The following ABCA13 variants were observed in gnomAD, a reference collection of about 807,000 sequenced individuals.
ABCA13 encodes ATP binding cassette subfamily A member 13, also known as ATP-binding cassette sub-family A member 13.
ABCA13 carries 476 observed loss-of-function variants against 478.7 expected under a neutral mutation model. The observed-to-expected ratio is 0.99, with a 90% CI of 0.92 to 1.07. ABCA13 has a LOEUF of 1.07. Among genes scored for constraint, ABCA13 ranks in the 50% least tolerant of loss-of-function variants. The pLI is 0.00. For missense variants in ABCA13, 6,060 were observed against 5,910.6 expected (o/e 1.03, Z -0.83); for synonymous variants, 2,252 against 2,158.9 (o/e 1.04, Z -1.20).
intron 28 of ABCA13, 31 bp from the exon 29 acceptor site, chr7:48,338,334 A>G (rs777618783): frequency 3.0e-5 from 44 of 1,457,216 alleles, no homozygotes; most frequent in South Asian, 1.3e-5. Context: ...TAATGCAATT[A>G]TTTTTATTAA....
chr7:48,435,006 A>T (rs527476990), intron 42 of ABCA13, among the ~76,000 whole-genome samples: 1 of 152,006 alleles, frequency 6.6e-6, no homozygotes, highest in African/African-American at 2.4e-5. Context: ...GGGATTCTGT[A>T]TGGATTTTAA....
intron 23 of ABCA13, among the ~76,000 whole-genome samples, chr7:48,306,990 C>T (rs947141778): frequency 1.3e-5 from 2 of 152,262 alleles, no homozygotes; most frequent in African/African-American, 4.8e-5. Context: ...AGTTCCATCT[C>T]CAGGTAGTCC....
chr7:48,200,843 T>C (rs1232894481), intron 3 of ABCA13, among the ~76,000 whole-genome samples: 1 of 152,182 alleles, frequency 6.6e-6, no homozygotes, highest in African/African-American at 2.4e-5. Context: ...GATTATTTTG[T>C]GGTAATTGTC....
At chr7:48,192,191 T>C (rs1797196733) in intron 1 of ABCA13, among the ~76,000 whole-genome samples, 1 of 151,818 alleles carries the variant, frequency 6.6e-6, no homozygotes, top group Admixed American at 6.6e-5. Flanking sequence ...GGTGGTGTTT[T>C]TTTTTTTCCT....
chr7:48,352,563 T>C lies in ABCA13; in HGVS notation c.10688+76T>C, dbSNP rs554142502. 91 of 1,417,522 alleles carry C rather than the reference T, an allele frequency of 6.4e-5. 1 individual carries two copies. The highest frequency in any genetic ancestry group is 5.7e-4 in the Admixed American group (20 of 35,216). 87.8% of individuals were successfully genotyped at this position (1,417,522 alleles called of 1,614,324 possible). On this transcript the variant is annotated intron_variant, in intron 31 of 61. Transcript: ENST00000435803. ...GTCTAGCTGAGGAGAGAAAACTCAG[T>C]TTTTCTATGGTTATTTCAAAAAGCA...
At chr7:48,312,446 G>GA (rs143168215) in intron 24 of ABCA13, among the ~76,000 whole-genome samples, 12,871 of 149,154 alleles carry the variant, frequency 0.086, 667 homozygotes, top group East Asian at 0.18. Context: ...CTGAGAATAT[G>GA]AAAAAAAAAA....
chr7:48,228,201 G>A (rs1261224755), intron 6 of ABCA13, among the ~76,000 whole-genome samples: 2 of 152,160 alleles, frequency 1.3e-5, no homozygotes, highest in East Asian at 1.9e-4. Context: ...ACAACAAAAA[G>A]GGCCCTGTCC....
chr7:48,359,236 C>T (rs1367932678), intron 31 of ABCA13, among the ~76,000 whole-genome samples: 1 of 151,906 alleles, frequency 6.6e-6, no homozygotes, highest in African/African-American at 2.4e-5. Flanking sequence ...CCACTCCATT[C>T]TTGGGCAGCT....
chr7:48,494,849 T>C (rs1193998366), intron 48 of ABCA13, among the ~76,000 whole-genome samples: 2 of 152,168 alleles, frequency 1.3e-5, no homozygotes, highest in Non-Finnish European at 2.9e-5. Context: ...CATTATTGAT[T>C]GATTACAAAC....
intron 59 of ABCA13, chr7:48,627,098 C>G: frequency 1.1e-6 from 1 of 949,268 alleles, no homozygotes; most frequent in Non-Finnish European, 1.3e-6. Context: ...TTGCCAAATG[C>G]TTTCTGTGCA....
chr7:48,282,285 G>C (rs893895675), intron 19 of ABCA13, among the ~76,000 whole-genome samples: 2 of 152,160 alleles, frequency 1.3e-5, no homozygotes, highest in Admixed American at 1.3e-4. Flanking sequence ...GTGAACATTA[G>C]ACTTTAGAGC....
chr7:48,448,392 T>A (rs1361847841), intron 42 of ABCA13, among the ~76,000 whole-genome samples: 2 of 152,342 alleles, frequency 1.3e-5, no homozygotes, highest in East Asian at 3.9e-4. Flanking sequence ...TCAATATCCC[T>A]GATTCCCTGA....
rs1483177597 is a variant in ABCA13, at chr7:48,276,043, C to CA, written c.6383dup (p.Asn2128LysfsTer9). On this transcript the variant is annotated frameshift_variant, in exon 17 of 62. Transcript: ENST00000435803. LOFTEE classifies it high-confidence loss of function. ...ATTATTGAAGATTTTCTATTGGTCA[C>CA]AAAAAACTGGCTTCAGGAATATGCA... is the stretch of plus-strand genomic sequence containing the variant. The CA allele has an allele frequency of 4.4e-6, 7 of 1,607,680 alleles. No individual in the cohort carries two copies. Among genetic ancestry groups the CA allele is most frequent in the Non-Finnish European group, 5.9e-6 (7 of 1,176,856 alleles).
At chr7:48,221,743 G>C (rs779355776) in intron 5 of ABCA13, among the ~76,000 whole-genome samples, 3 of 152,170 alleles carry the variant, frequency 2.0e-5, no homozygotes, top group Non-Finnish European at 2.9e-5. Context: ...ACATATTTTT[G>C]GTTGTCATAA....
intron 43 of ABCA13, among the ~76,000 whole-genome samples, chr7:48,461,831 C>T (rs536536454): frequency 6.6e-6 from 1 of 152,304 alleles, no homozygotes; most frequent in African/African-American, 2.4e-5. Flanking sequence ...ACCTAGCCAA[C>T]TAGCCAACAG....
intron 8 of ABCA13, among the ~76,000 whole-genome samples, chr7:48,238,659 G>A (rs955490893): frequency 7.2e-5 from 11 of 152,038 alleles, no homozygotes; most frequent in South Asian, 4.1e-4. Flanking sequence ...TAGTAGAGAC[G>A]GGGTTTCACC....
chr7:48,273,713 T>C lies in ABCA13; in HGVS notation c.4047T>C (p.Ile1349=). 6.2e-7 allele frequency: 1 copy of C among 1,609,050 alleles called. No homozygotes were observed. The highest frequency in any genetic ancestry group is 8.5e-7 in the Non-Finnish European group (1 of 1,177,274). The change falls in exon 17 of 62, where the codon ATT becomes ATC. Residue 1349 remains isoleucine, a synonymous_variant. Coordinates refer to ENST00000435803, the MANE Select transcript of ABCA13 (RefSeq NM_152701.5). ...GAGATTTGTTTTCCTGTGCTGATAT[T>C]TTCCAAAATGTTACTGAGTGTATTT... ...HDRDLFSCAD[I]FQNVTECILE... is the part of the protein sequence containing the mutation.
In ABCA13 at chr7:48,275,087, TA is replaced by T; in HGVS notation, c.5423del (p.Lys1808SerfsTer9). On this transcript the variant is annotated frameshift_variant, in exon 17 of 62. Coordinates refer to ENST00000435803, the MANE Select transcript of ABCA13 (RefSeq NM_152701.5). LOFTEE classifies it high-confidence loss of function. ...LLDTIELVSDKPDIISEALAC... is the reference protein window; with the variant it reads ...LLDTIELVSDXPDIISEALAC... ...TGGATACAATTGAATTAGTATCAGA[TA>T]AGCCAGATATTATTTCAGAGGCTTT... 1 of 1,613,326 alleles carries T rather than the reference TA, an allele frequency of 6.2e-7. No individual in the cohort carries two copies. The highest frequency in any genetic ancestry group is 8.5e-7 in the Non-Finnish European group (1 of 1,179,536).
chr7:48,269,195 T>A (rs1526094), intron 16 of ABCA13, 101 bp downstream of exon 16: 7,221 of 649,058 alleles, frequency 0.011, 60 homozygotes, highest in Admixed American at 0.019. Flanking sequence ...TTTATGAGCC[T>A]GATTTAGATA....
Sources: allele counts gnomAD v4.1 joint callset (sites outside exome capture counted in the v4.1 genomes callset), GRCh38; gene constraint gnomAD v4.1.1; transcripts MANE v1.5; gene names NCBI Gene and HGNC (gene_info 2026-07-23, HGNC 2026-07-21).